The following SLC19A1 variants were observed in gnomAD, a reference collection of about 807,000 sequenced individuals.
The protein encoded by SLC19A1 is reduced folate transporter.
A neutral mutation model predicts 35.3 loss-of-function variants in SLC19A1; 37 were observed. The ratio of observed to expected loss-of-function variants is 1.05; its 90% CI spans 0.81 to 1.38. The LOEUF (loss-of-function observed/expected upper bound fraction) is 1.38, where lower values mean the gene tolerates loss of function less well. SLC19A1 is among the 40% of genes most tolerant of loss of function. The pLI is 0.00. For synonymous variants in SLC19A1, 460 were observed against 398.5 expected, an observed-to-expected ratio of 1.15 and a Z score of -1.84; for missense variants, 831 against 826.9, an observed-to-expected ratio of 1.00 and a Z score of -0.06.
chr21:45,507,624 G>A, downstream of SLC19A1: 1 of 1,608,398 alleles, frequency 6.2e-7, no homozygotes, highest in Non-Finnish European at 8.5e-7. Flanking sequence ...TGAGACTGGT[G>A]GGTGGTCAGG....
Position 45,516,144 on chromosome 21 carries a change from G to C in SLC19A1, c.1294-4C>G. Reference sequence around the variant, plus strand: ...AGTACACGGAGTATAACTGGAACTGGAAAGAGAGGCCGGGTGAGGCGGGTG... The same window carrying C: ...AGTACACGGAGTATAACTGGAACTGCAAAGAGAGGCCGGGTGAGGCGGGTG... On this transcript the variant is annotated splice_region_variant and splice_polypyrimidine_tract_variant and intron_variant, in intron 5 of 5. Transcript: ENST00000311124. 1 of 1,592,360 alleles carries C rather than the reference G, an allele frequency of 6.3e-7. No homozygotes were observed. Among genetic ancestry groups the C allele is most frequent in the Non-Finnish European group, 8.6e-7 (1 of 1,165,582 alleles).
chr21:45,540,050 C>T lies in SLC19A1; in HGVS notation c.-49-2042G>A, dbSNP rs960933105. Among the ~76,000 whole-genome samples, 8 of 152,150 alleles carry T rather than the reference C, an allele frequency of 5.3e-5. No individual in the cohort carries two copies. Among genetic ancestry groups the T allele is most frequent in the South Asian group, 2.1e-4 (1 of 4,830 alleles). ...AGGCAGATCTGACGGTCGCCTGCCT[C>T]GGCCTCACCTTCCATGCCTCCTCAG... On this transcript the variant is annotated intron_variant, in intron 1 of 5. Coordinates refer to ENST00000311124, the MANE Select transcript of SLC19A1 (RefSeq NM_194255.4). The surrounding 1 kb of genome is among the most constrained non-coding windows in gnomAD (Gnocchi z 5.5).
intron 5 of SLC19A1, among the ~76,000 whole-genome samples, chr21:45,521,506 T>C (rs1290435054): frequency 6.6e-6 from 1 of 152,220 alleles, no homozygotes; most frequent in African/African-American, 2.4e-5. Flanking sequence ...TTTGTAGATA[T>C]AGACAAGATT....
Position 45,532,211 on chromosome 21 carries a change from G to A in SLC19A1, c.190-63C>T, listed in dbSNP as rs996319557. On this transcript the variant is annotated intron_variant, in intron 2 of 5. Transcript: ENST00000311124. ...CAATGCTGCCGCTGCGGCAGACACA[G>A]CCCGCCCGAGGTGATGGCTGCTGAC... 1.1e-5 allele frequency: 15 copies of A among 1,405,148 alleles called. No homozygotes were observed. In the South Asian group the frequency reaches 1.8e-4, roughly 17 times the overall value. 87.0% of individuals were successfully genotyped at this position (1,405,148 alleles called of 1,614,324 possible).
chr21:45,532,772 A>T (rs1012665415), intron 2 of SLC19A1, among the ~76,000 whole-genome samples: 4 of 152,208 alleles, frequency 2.6e-5, no homozygotes, highest in African/African-American at 9.7e-5. Context: ...ACATGGTTTT[A>T]TTTCATTTTA....
intron 3 of SLC19A1, chr21:45,505,828 G>T: frequency 6.3e-7 from 1 of 1,582,168 alleles, no homozygotes; most frequent in Non-Finnish European, 8.6e-7. Context: ...TCTGCATTTG[G>T]TCCCAGCAGG....
In SLC19A1 at chr21:45,530,960, A is replaced by T; in HGVS notation, c.961T>A (p.Ser321Thr). 6.9e-7 allele frequency: 1 copy of T among 1,439,642 alleles called. No homozygotes were observed. The highest frequency in any genetic ancestry group is 1.5e-5 in the African/African-American group (1 of 65,244). The allele number at this position is 1,439,642 out of a possible 1,614,324, so 89.2% of individuals were successfully genotyped here. ...ATCTTCACGAAGCCCGCGGCGAAGG[A>T]CGTGATGGCGCCTGAGAGGGGAGGG... ...AASTLLGAIT[S>T]FAAGFVKIRW... The change falls in exon 4 of 6, where the codon TCC becomes ACC. Residue 321 changes from serine to threonine, a missense_variant. Ser to Thr is a moderately conservative substitution (Grantham distance 58, BLOSUM62 1). Transcript: ENST00000311124. This position sits in a 1 kb window ranked among gnomAD's most constrained non-coding sequence, Gnocchi z 5.3.
chr21:45,511,741 C>T (rs1399850438), downstream of SLC19A1, among the ~76,000 whole-genome samples: 1 of 152,172 alleles, frequency 6.6e-6, no homozygotes, highest in African/African-American at 2.4e-5. Context: ...ACAGCGTGTC[C>T]CCAGCAGTGC....
chr21:45,515,747 A>C lies in SLC19A1; in HGVS notation c.1687T>G (p.Cys563Gly), dbSNP rs2037886822. 5 of 1,613,690 alleles carry C rather than the reference A, an allele frequency of 3.1e-6. No individual in the cohort carries two copies. The highest frequency in any genetic ancestry group is 4.2e-6 in the Non-Finnish European group (5 of 1,180,010). The stretch of plus-strand genomic sequence containing the variant: ...GGAGGATGGACAGCCAGCTGGGGAC[A>C]AGTCTCATCTGCAGCCTCAGGGCCT... ...ASGPEAADETCPQLAVHPPGV... is the reference protein window; with the variant it reads ...ASGPEAADETGPQLAVHPPGV... The change falls in exon 6 of 6, where the codon TGT becomes GGT. Residue 563 changes from cysteine to glycine, a missense_variant. Physicochemically the swap from Cys to Gly is radical, Grantham distance 159. Coordinates refer to ENST00000311124, the MANE Select transcript of SLC19A1 (RefSeq NM_194255.4).
chr21:45,510,951 AACACCCCACATACACCCCCAAACACCCCC>A (rs2037547334), downstream of SLC19A1, among the ~76,000 whole-genome samples: 1 of 98,864 alleles, frequency 1.0e-5, no homozygotes, highest in African/African-American at 4.2e-5. Flanking sequence ...ACACACCCAC[AACACCCCACATACACCCCCAAACACCCCC>A]CACACCCCAC....
At chr21:45,562,578 G>A (rs923283764) in intron 1 of SLC19A1, among the ~76,000 whole-genome samples, 16 of 152,318 alleles carry the variant, frequency 1.1e-4, no homozygotes, top group African/African-American at 2.6e-4. Context: ...TAGAGCTGCC[G>A]GAGCTCATGA....
chr21:45,546,640 C>A (rs1443252463), upstream of SLC19A1, among the ~76,000 whole-genome samples: 1 of 152,230 alleles, frequency 6.6e-6, no homozygotes, highest in Non-Finnish European at 1.5e-5. Flanking sequence ...GAATCACAGG[C>A]AGCTGTTTAG....
At chr21:45,509,612 C>A, downstream of SLC19A1, 1 of 1,415,506 alleles carries the variant, frequency 7.1e-7, no homozygotes, top group Non-Finnish European at 9.6e-7. Flanking sequence ...GTGAGTGCCC[C>A]CCCAAAGTGG....
At chr21:45,555,459 A>G (rs1602958123) in intron 1 of SLC19A1, among the ~76,000 whole-genome samples, 1 of 59,944 alleles carries the variant, frequency 1.7e-5, no homozygotes, top group African/African-American at 6.6e-5. Context: ...GGGATGGGGG[A>G]GGTTGTGGGG....
At position 45,555,032 on chromosome 21, in the gene SLC19A1, C is replaced by T. The variant is rs1021681210; in HGVS notation, c.-50+7710G>A. ...GTTATGCGTGGGGCCGCCCTGTGCG[C>T]GCGCCTGGAGGCCTCGGGTTTCCCC... On this transcript the variant is annotated intron_variant, in intron 1 of 5. Coordinates refer to the SLC19A1 transcript ENST00000650808. Among the ~76,000 whole-genome samples the T allele has an allele frequency of 2.0e-5, 3 of 150,576 alleles. No homozygotes were observed. The East Asian group carries it at 6.1e-4, about 31-fold the overall frequency.
downstream of SLC19A1, chr21:45,511,071 CCCA>C: frequency 1.1e-6 from 1 of 949,072 alleles, no homozygotes; most frequent in Non-Finnish European, 1.5e-6. Flanking sequence ...CATCCACACC[CCCA>C]CACACCACAC....
At chr21:45,503,283 T>C (rs1394475365) in intron 3 of SLC19A1, among the ~76,000 whole-genome samples, 2 of 152,040 alleles carry the variant, frequency 1.3e-5, no homozygotes, top group African/African-American at 4.8e-5. Context: ...TGAGATGGTA[T>C]CTCATTGTGG....
chr21:45,505,017 G>C (rs9980752), intron 3 of SLC19A1: 12 of 1,320,468 alleles, frequency 9.1e-6, no homozygotes, highest in East Asian at 2.5e-5. Context: ...GGAGGGGACC[G>C]GTGACTCAGA....
chr21:45,533,782 C>T lies in SLC19A1; in HGVS notation c.190-1634G>A, dbSNP rs762749002. 2.0e-5 allele frequency among the ~76,000 whole-genome samples: 3 copies of T among 152,130 alleles called. No individual in the cohort carries two copies. Among genetic ancestry groups the T allele is most frequent in the Non-Finnish European group, 4.4e-5 (3 of 67,986 alleles). The stretch of plus-strand genomic sequence containing the variant: ...CCCTGGGTCAGCACGTGGGGTGCTG[C>T]GCCGAGCCACGCCGCCTCCCCGGGG... On this transcript the variant is annotated intron_variant, in intron 2 of 5. Coordinates refer to ENST00000311124, the MANE Select transcript of SLC19A1 (RefSeq NM_194255.4). The surrounding 1 kb of genome is among the most constrained non-coding windows in gnomAD (Gnocchi z 4.5).
Sources: allele counts gnomAD v4.1 joint callset (sites outside exome capture counted in the v4.1 genomes callset), GRCh38; gene constraint gnomAD v4.1.1; non-coding constraint Gnocchi (gnomAD v3.1); transcripts MANE v1.5; gene names NCBI Gene and HGNC (gene_info 2026-07-23, HGNC 2026-07-21).